Variants in GTPBP4 observed in about 807,000 individuals in gnomAD.
GTPBP4 encodes the protein GTP binding protein 4, also known as GTP-binding protein 4.
GTPBP4 carries 15 observed loss-of-function variants against 81.7 expected under a neutral mutation model. The ratio of observed to expected loss-of-function variants is 0.18; its 90% CI spans 0.12 to 0.28. The LOEUF is 0.28. GTPBP4 is among the 10% of genes least tolerant of loss of function. The pLI is 1.00. For synonymous variants in GTPBP4, 272 were observed against 274.6 expected (o/e 0.99, Z 0.09); for missense variants, 847 against 793.8 (o/e 1.07, Z -0.81).
At chr10:1,004,083 G>T (rs1017503024) in intron 8 of GTPBP4, among the ~76,000 whole-genome samples, 1 of 152,132 alleles carries the variant, frequency 6.6e-6, no homozygotes, top group Non-Finnish European at 1.5e-5. Context: ...CAGGGAAGAC[G>T]CACTCTGGAG....
chr10:990,084 TG>T (rs931161445), intron 1 of GTPBP4, among the ~76,000 whole-genome samples: 1 of 152,202 alleles, frequency 6.6e-6, no homozygotes, highest in African/African-American at 2.4e-5. Context: ...TTTGTATTTT[TG>T]GTCAACCATC....
intron 8 of GTPBP4, among the ~76,000 whole-genome samples, chr10:1,001,685 T>G (rs1201611873): frequency 0.011 from 3 of 280 alleles, no homozygotes; most frequent in Non-Finnish European, 0.031. Flanking sequence ...ATGGGTGGTT[T>G]TTTTTTTTTT....
intron 13 of GTPBP4, 95 bp downstream of exon 13, chr10:1,010,615 T>TCC: frequency 1.3e-6 from 1 of 764,794 alleles, no homozygotes; most frequent in Non-Finnish European, 2.4e-6. Context: ...GCTGGGCCTG[T>TCC]CCGCTTCATT....
At chr10:1,016,008 T>C in intron 16 of GTPBP4, 112 bp downstream of exon 16, 1 of 960,638 alleles carries the variant, frequency 1.0e-6, no homozygotes, top group Non-Finnish European at 1.6e-6. Context: ...GCAGGGGTTG[T>C]GTGTACTGCA....
intron 6 of GTPBP4, among the ~76,000 whole-genome samples, 193 bp from the exon 7 acceptor site, chr10:1,000,484 G>A (rs540057095): frequency 1.3e-5 from 2 of 151,182 alleles, no homozygotes; most frequent in African/African-American, 2.4e-5. Context: ...TGATCCACCC[G>A]CCTCGGCCTC....
At chr10:1,004,109 G>A (rs1393265522) in intron 8 of GTPBP4, among the ~76,000 whole-genome samples, 1 of 152,178 alleles carries the variant, frequency 6.6e-6, no homozygotes, top group Non-Finnish European at 1.5e-5. Context: ...AGCCTGGGAA[G>A]CAGGGTAGAG....
At chr10:1,006,277 A>G (rs1831729847) in intron 9 of GTPBP4, among the ~76,000 whole-genome samples, 1 of 152,280 alleles carries the variant, frequency 6.6e-6, no homozygotes, top group Non-Finnish European at 1.5e-5. Context: ...TGCAGGAGGC[A>G]GTCCGCTGCT....
chr10:1,019,498 G>A lies in GTPBP4; in HGVS notation c.*2271G>A. 1.9e-6 allele frequency: 3 copies of A among 1,596,266 alleles called. No individual in the cohort carries two copies. The highest frequency in any genetic ancestry group is 2.6e-6 in the Non-Finnish European group (3 of 1,169,064). On this transcript the variant is annotated 3_prime_UTR_variant, in exon 17 of 17. Transcript: ENST00000360803. ...TGCACTGAGGGCATTACACATGGCT[G>A]ACTCGACCTCCCTGCCTCTCACACT...
chr10:1,012,773 C>T, intron 14 of GTPBP4, 111 bp downstream of exon 14: 1 of 694,428 alleles, frequency 1.4e-6, no homozygotes, highest in Non-Finnish European at 2.5e-6. Flanking sequence ...TAAGATTGCA[C>T]ATTCTTGTTT....
At chr10:990,115 A>ATT (rs1466708763) in intron 1 of GTPBP4, among the ~76,000 whole-genome samples, 1 of 152,150 alleles carries the variant, frequency 6.6e-6, no homozygotes, top group Non-Finnish European at 1.5e-5. Context: ...TGTTGAAGGA[A>ATT]TTTGCTCTTT....
At chr10:999,772 A>G (rs1211833967) in intron 6 of GTPBP4, among the ~76,000 whole-genome samples, 1 of 152,220 alleles carries the variant, frequency 6.6e-6, no homozygotes, top group African/African-American at 2.4e-5. Context: ...TGGCCTGGCC[A>G]ACATGGCGAA....
Position 988,743 on chromosome 10 carries a change from C to A in GTPBP4, c.48+216C>A. On this transcript the variant is annotated intron_variant, in intron 1 of 16. Transcript: ENST00000360803. The stretch of plus-strand genomic sequence containing the variant: ...GATCGGATCCCCCAGAGACCGGGGT[C>A]CACCTAAGACCGTGGTCCACCCAAA... 4.8e-5 allele frequency: 27 copies of A among 559,248 alleles called. 1 individual carries two copies. The South Asian group carries it at 5.7e-4, about 12-fold the overall frequency. 34.6% of individuals were successfully genotyped at this position (559,248 alleles called of 1,614,324 possible).
intron 13 of GTPBP4, among the ~76,000 whole-genome samples, chr10:1,010,738 G>A (rs570101565): frequency 6.7e-5 from 4 of 59,348 alleles, no homozygotes; most frequent in Admixed American, 4.3e-4. Flanking sequence ...CCTTCCCGCC[G>A]CCTCCACCCA....
At chr10:1,008,225 A>G (rs1831783700) in intron 10 of GTPBP4, 9 of 436,242 alleles carry the variant, frequency 2.1e-5, no homozygotes, top group South Asian at 1.4e-4. Context: ...CCAGCCTGGC[A>G]ATCATGGTGA....
chr10:998,739 A>G (rs1831575445), intron 5 of GTPBP4, among the ~76,000 whole-genome samples: 1 of 152,198 alleles, frequency 6.6e-6, no homozygotes, highest in Non-Finnish European at 1.5e-5. Context: ...CTCTGCGGGC[A>G]TTGCAGGCGG....
intron 4 of GTPBP4, 27 bp downstream of exon 4, chr10:996,269 G>A (rs201389586): frequency 2.7e-4 from 433 of 1,591,408 alleles, no homozygotes; most frequent in African/African-American, 1.1e-3. Flanking sequence ...CGCGGGAACC[G>A]TGCTAGCATC....
chr10:1,006,052 G>C (rs1178371538), intron 9 of GTPBP4, 145 bp downstream of exon 9: 1 of 569,022 alleles, frequency 1.8e-6, no homozygotes, highest in Admixed American at 3.3e-5. Flanking sequence ...GTGCGAGAGT[G>C]GGGCGTGAAG....
At chr10:992,158 T>G (rs1831456058) in intron 1 of GTPBP4, among the ~76,000 whole-genome samples, 1 of 150,954 alleles carries the variant, frequency 6.6e-6, no homozygotes, top group Middle Eastern at 3.4e-3. Flanking sequence ...CCCAGCACTT[T>G]GGGAGGCCGA....
chr10:1,000,221 G>A (rs762704867), intron 6 of GTPBP4, among the ~76,000 whole-genome samples: 38 of 141,230 alleles, frequency 2.7e-4, no homozygotes, highest in Non-Finnish European at 5.4e-4. Context: ...GTGGTATTCA[G>A]TTTGGGAGAC....
Sources: gnomAD v4.1 joint callset for allele counts (sites outside exome capture counted in the v4.1 genomes callset) on GRCh38, gnomAD v4.1.1 for gene constraint, MANE v1.5 for transcripts, NCBI Gene and HGNC (gene_info 2026-07-23, HGNC 2026-07-21) for gene names.